DDX49: variants seen among roughly 807,000 people sequenced by gnomAD.
DDX49 encodes the protein DEAD-box helicase 49.
DDX49 carries 50 observed loss-of-function variants against 56.3 expected under a neutral mutation model. The observed-to-expected ratio is 0.89, with a 90% confidence interval of 0.71 to 1.12. DDX49 has a LOEUF of 1.12. DDX49 is among the 50% of genes most tolerant of loss of function. The pLI is 0.00. For missense variants in DDX49, 614 were observed against 650.5 expected, an observed-to-expected ratio of 0.94 and a Z score of 0.61; for synonymous variants, 269 against 270.6, an observed-to-expected ratio of 0.99 and a Z score of 0.06.
chr19:18,923,413 T>C (rs554640505), intron 6 of DDX49, among the ~76,000 whole-genome samples: 1 of 152,120 alleles, frequency 6.6e-6, no homozygotes, highest in South Asian at 2.1e-4. Flanking sequence ...TCCCAGCTAC[T>C]GGGGAAGGTG....
At chr19:18,922,094 G>A in intron 4 of DDX49, 130 bp downstream of exon 4, 1 of 1,327,616 alleles carries the variant, frequency 7.5e-7, no homozygotes, top group Non-Finnish European at 1.0e-6. Flanking sequence ...TAAAACGCTA[G>A]GAACAGTGAC....
chr19:18,923,084 GCA>G (rs773119903), intron 6 of DDX49, among the ~76,000 whole-genome samples: 4 of 152,132 alleles, frequency 2.6e-5, no homozygotes, highest in Non-Finnish European at 5.9e-5. Context: ...GTGTGCGTCT[GCA>G]CAGACAGAGA....
chr19:18,927,990 A>G lies in DDX49; in HGVS notation c.1217A>G (p.Glu406Gly). 1 of 1,613,780 alleles carries G rather than the reference A, an allele frequency of 6.2e-7. No individual in the cohort carries two copies. Among genetic ancestry groups the G allele is most frequent in the Non-Finnish European group, 8.5e-7 (1 of 1,179,946 alleles). Reference sequence around the variant, plus strand: ...AAACTGGAGGCGGCCCACTTTGACGAAAAGAAGGAGATCAACAAACGGAAG... The same window carrying G: ...AAACTGGAGGCGGCCCACTTTGACGGAAAGAAGGAGATCAACAAACGGAAG... ...EIKLEAAHFDEKKEINKRKQL... is the reference protein window; with the variant it reads ...EIKLEAAHFDGKKEINKRKQL... The change falls in exon 12 of 13, where the codon GAA becomes GGA. Residue 406 changes from glutamate to glycine, a missense_variant. Physicochemically the swap from Glu to Gly is moderately conservative, Grantham distance 98 (BLOSUM62 -2). Coordinates refer to ENST00000247003, the MANE Select transcript of DDX49 (RefSeq NM_019070.5).
rs1200392464 is a variant in DDX49 at position 18,921,911 on chromosome 19, G to T, written c.394G>T (p.Ala132Ser). Residue 132 changes from alanine to serine, a missense_variant, in exon 4 of 13, where the codon GCA (alanine) becomes TCA (serine). Coordinates refer to ENST00000247003, the MANE Select transcript of DDX49 (RefSeq NM_019070.5). The part of the protein sequence containing the change: ...HVVIATPGRL[A>S]DHLRSSNTFS... ...GGTCATCGCCACGCCGGGGCGCCTG[G>T]CAGATCACCTGCGCAGCTCCAACAC... 6.2e-7 allele frequency: 1 copy of T among 1,613,760 alleles called. No individual in the cohort carries two copies. Among genetic ancestry groups the T allele is most frequent in the Admixed American group, 1.7e-5 (1 of 60,006 alleles).
In DDX49 at chr19:18,919,759, G is replaced by C. The variant is rs1555712160; in HGVS notation, c.18G>C (p.Glu6Asp). The C allele has an allele frequency of 3.1e-6, 5 of 1,611,746 alleles. No individual in the cohort carries two copies. Among genetic ancestry groups the C allele is most frequent in the Non-Finnish European group, 4.2e-6 (5 of 1,178,330 alleles). ...CCACAAGGATGGCAGGCTTCGCGGAGCTCGGGCTGTCATCGTGGCTCGTGG... is the reference window on the plus strand; with the variant it reads ...CCACAAGGATGGCAGGCTTCGCGGACCTCGGGCTGTCATCGTGGCTCGTGG... Reference protein sequence around the residue: MAGFAELGLSSWLVEQ... With the variant: MAGFADLGLSSWLVEQ... The change falls in exon 1 of 13, where the codon GAG becomes GAC. Residue 6 changes from glutamate to aspartate, a missense_variant. Coordinates refer to ENST00000247003, the MANE Select transcript of DDX49 (RefSeq NM_019070.5).
chr19:18,921,651 TC>T lies in DDX49; in HGVS notation c.240-11del, dbSNP rs1166405486. On this transcript the variant is annotated splice_polypyrimidine_tract_variant and intron_variant, in intron 2 of 12. Transcript: ENST00000247003. ...CACTACCTGACCCAGCCTGGCCCCT[TC>T]ACACCCACAGGGAGCTGGCCTACCA... 6.2e-7 allele frequency: 1 copy of T among 1,613,772 alleles called. No homozygotes were observed. The highest frequency in any genetic ancestry group is 1.7e-5 in the Admixed American group (1 of 60,022).
intron 2 of DDX49, 115 bp downstream of exon 2, chr19:18,920,818 G>C: frequency 8.7e-7 from 1 of 1,149,518 alleles, no homozygotes; most frequent in Non-Finnish European, 1.2e-6. Flanking sequence ...TGAAAATCTT[G>C]CTACCCGCTT....
In DDX49 at chr19:18,928,222, G is replaced by A. The variant is rs201202222; in HGVS notation, c.1358G>A (p.Arg453Gln). 1.3e-5 allele frequency: 21 copies of A among 1,587,724 alleles called. No individual in the cohort carries two copies. Among genetic ancestry groups the A allele is most frequent in the South Asian group, 8.0e-5 (7 of 87,844 alleles). ...GAGAAGGTGGAGGAGACGCTGAAGC[G>A]ACAGAAGGCTGGCAGGGCTGGCCAC... The part of the protein sequence containing the change: ...FKEKVEETLK[R>Q]QKAGRAGHKG... Residue 453 changes from arginine (R) to glutamine (Q), a missense_variant, in exon 13 of 13, where the codon CGA becomes CAA. By Grantham distance (43) the Arg-to-Gln change is conservative (BLOSUM62 1). Coordinates refer to ENST00000247003, the MANE Select transcript of DDX49 (RefSeq NM_019070.5).
chr19:18,927,731 C>CG, intron 10 of DDX49, 35 bp from the exon 11 acceptor site: 3 of 1,294,796 alleles, frequency 2.3e-6, no homozygotes, highest in Non-Finnish European at 3.4e-6. Flanking sequence ...CACGTCTCCT[C>CG]CCCACCCCCA....
At chr19:18,922,168 C>A (rs1204324714) in intron 4 of DDX49, 158 bp from the exon 5 acceptor site, 2 of 1,167,644 alleles carry the variant, frequency 1.7e-6, no homozygotes, top group Non-Finnish European at 1.2e-6. Flanking sequence ...GGGGTAGGGC[C>A]TTGCTGAGAC....
chr19:18,928,309 TG>T lies in DDX49; in HGVS notation c.1447del (p.Val483SerfsTer63). 1.9e-6 allele frequency: 3 copies of T among 1,549,100 alleles called. No homozygotes were observed. Among genetic ancestry groups the T allele is most frequent in the Non-Finnish European group, 1.7e-6 (2 of 1,148,444 alleles). On this transcript the variant is annotated frameshift_variant, in exon 13 of 13. Transcript: ENST00000247003. LOFTEE classifies it high-confidence loss of function. Reference protein sequence around the residue: ...SHSGPVPSQGLV With the variant: ...SHSGPVPSQGXV ...TCAGGCCCAGTCCCCTCCCAGGGCCTGGTCTGAGCCCCACACGGCCATCTGC... is the reference window on the plus strand; with the variant it reads ...TCAGGCCCAGTCCCCTCCCAGGGCCTGTCTGAGCCCCACACGGCCATCTGC...
rs543679651 is a variant in DDX49, at chr19:18,922,514, G to A, written c.635+1G>A. The stretch of plus-strand genomic sequence containing the variant: ...CCTTCTTCTGGGAAGCACAGGCCCC[G>A]TGAGTCCACAGCCCAGACAGCGTGG... On this transcript the variant is annotated splice_donor_variant, in intron 5 of 12. Coordinates refer to ENST00000247003, the MANE Select transcript of DDX49 (RefSeq NM_019070.5). LOFTEE classifies it high-confidence loss of function. 30 of 1,600,192 alleles carry A rather than the reference G, an allele frequency of 1.9e-5. No homozygotes were observed. Among genetic ancestry groups the A allele is most frequent in the South Asian group, 1.3e-4 (12 of 90,550 alleles).
At chr19:18,921,331 G>A (rs1200355072) in intron 2 of DDX49, among the ~76,000 whole-genome samples, 1 of 152,176 alleles carries the variant, frequency 6.6e-6, no homozygotes, top group African/African-American at 2.4e-5. Flanking sequence ...GGGCAGAAAG[G>A]AGGCTGATGC....
chr19:18,921,606 A>G (rs1246853047), intron 2 of DDX49, 57 bp from the exon 3 acceptor site: 1 of 1,522,636 alleles, frequency 6.6e-7, no homozygotes, highest in African/African-American at 1.4e-5. Flanking sequence ...GGAGAGGGGA[A>G]TGGGGGGCAG....
intron 1 of DDX49, 29 bp from the exon 2 acceptor site, chr19:18,920,551 G>T: frequency 6.3e-7 from 1 of 1,578,872 alleles, no homozygotes; most frequent in Non-Finnish European, 8.7e-7. Context: ...CACATGGAGG[G>T]TGTTGATGCT....
At chr19:18,922,265 G>A (rs775395403) in intron 4 of DDX49, 61 bp from the exon 5 acceptor site, 1 of 1,561,726 alleles carries the variant, frequency 6.4e-7, no homozygotes, top group African/African-American at 1.3e-5. Flanking sequence ...CCTGCTTCAG[G>A]GGTGGCCAAG....
intron 6 of DDX49, 22 bp from the exon 7 acceptor site, chr19:18,924,211 A>T: frequency 6.2e-7 from 1 of 1,613,366 alleles, no homozygotes. Context: ...GGAGGGGTTG[A>T]CAGGCACATC....
chr19:18,924,164 G>C (rs2145102654), intron 6 of DDX49, 69 bp from the exon 7 acceptor site: 2 of 1,509,432 alleles, frequency 1.3e-6, no homozygotes. Flanking sequence ...CTCAGGGGCG[G>C]GTGGGGGCAG....
Position 18,921,883 on chromosome 19 carries a change from C to A in DDX49, c.366C>A (p.His122Gln). 1 of 1,614,018 alleles carries A rather than the reference C, an allele frequency of 6.2e-7. No individual in the cohort carries two copies. The highest frequency in any genetic ancestry group is 8.5e-7 in the Non-Finnish European group (1 of 1,180,022). The change falls in exon 4 of 13, where the codon CAC becomes CAA. Residue 122 changes from histidine (H) to glutamine (Q), a missense_variant. By Grantham distance (24) the His-to-Gln change is conservative. Coordinates refer to ENST00000247003, the MANE Select transcript of DDX49 (RefSeq NM_019070.5). ...AQALELSRKP[H>Q]VVIATPGRLA... ...CGCTGGAGCTCTCTCGGAAACCACACGTGGTCATCGCCACGCCGGGGCGCC... is the reference window on the plus strand; with the variant it reads ...CGCTGGAGCTCTCTCGGAAACCACAAGTGGTCATCGCCACGCCGGGGCGCC...
Sources: gnomAD v4.1 joint callset for allele counts (sites outside exome capture counted in the v4.1 genomes callset) on GRCh38, gnomAD v4.1.1 for gene constraint, MANE v1.5 for transcripts, NCBI Gene and HGNC (gene_info 2026-07-23, HGNC 2026-07-21) for gene names.